Variants in MOB4 observed in about 807,000 individuals in gnomAD.
MOB4 encodes MOB-like protein phocein.
A neutral mutation model predicts 32.2 loss-of-function variants in MOB4; 4 were observed. The observed-to-expected ratio is 0.12, with a 90% CI of 0.06 to 0.28. The LOEUF is 0.28. Among genes scored for constraint, MOB4 ranks in the 10% least tolerant of loss-of-function variants. The pLI is 1.00. For synonymous variants in MOB4, 88 were observed against 88.1 expected (o/e 1.00, Z 0.01); for missense variants, 158 against 271.2 (o/e 0.58, Z 2.93).
chr2:197,547,873 C>G (rs1466563423), intron 5 of MOB4, among the ~76,000 whole-genome samples: 1 of 152,050 alleles, frequency 6.6e-6, no homozygotes, highest in Non-Finnish European at 1.5e-5. Context: ...ATAAATGGAA[C>G]AGAATAAGTC....
intron 5 of MOB4, among the ~76,000 whole-genome samples, chr2:197,542,327 T>G (rs2086909932): frequency 6.6e-6 from 1 of 152,186 alleles, no homozygotes; most frequent in South Asian, 2.1e-4. Context: ...AGGGTGATAG[T>G]AGGATTTCCA....
chr2:197,515,771 G>T (rs1357189942), upstream of MOB4: 5 of 441,906 alleles, frequency 1.1e-5, no homozygotes, highest in East Asian at 4.9e-5. Context: ...CAACGCAGCC[G>T]TGCACACTGC....
Position 197,550,323 on chromosome 2 carries a change from T to C in MOB4, c.483T>C (p.Arg161=). ...SSVAKLGSVC[R]RIYRIFSHAY... ...TAGCGAAACTAGGATCAGTATGCCGTAGGATTTACAGAATATTTTCACATG... is the reference window on the plus strand; with the variant it reads ...TAGCGAAACTAGGATCAGTATGCCGCAGGATTTACAGAATATTTTCACATG... The change falls in exon 7 of 8, where the codon CGT becomes CGC. Residue 161 remains arginine (R), a synonymous_variant. Coordinates refer to ENST00000323303, the MANE Select transcript of MOB4 (RefSeq NM_015387.5). 1 of 1,613,904 alleles carries C rather than the reference T, an allele frequency of 6.2e-7. No homozygotes were observed. Among genetic ancestry groups the C allele is most frequent in the Non-Finnish European group, 8.5e-7 (1 of 1,179,988 alleles).
chr2:197,550,161 G>A (rs964060194), intron 6 of MOB4, 114 bp from the exon 7 acceptor site: 1 of 915,294 alleles, frequency 1.1e-6, no homozygotes, highest in Non-Finnish European at 1.6e-6. Flanking sequence ...CCTTGGAGTA[G>A]TCGCTTATTT....
chr2:197,533,277 C>G (rs899665131), intron 2 of MOB4, among the ~76,000 whole-genome samples: 3 of 151,990 alleles, frequency 2.0e-5, no homozygotes, highest in Non-Finnish European at 4.4e-5. Flanking sequence ...GAGATTTGGA[C>G]AGAATTGTGA....
rs1312324397 is a variant in MOB4 at position 197,553,393 on chromosome 2, AAC to A, written c.*2748_*2749del. 3.9e-5 allele frequency: 6 copies of A among 152,036 alleles called. No individual in the cohort carries two copies. Among genetic ancestry groups the A allele is most frequent in the Non-Finnish European group, 5.9e-5 (4 of 68,000 alleles). The allele number at this position is 152,036 out of a possible 1,614,324, so 9.4% of individuals were successfully genotyped here. A position where few individuals can be genotyped will look rare whatever the true frequency, so the allele number is the denominator to read the frequency against. On this transcript the variant is annotated 3_prime_UTR_variant, in exon 8 of 8. Coordinates refer to ENST00000323303, the MANE Select transcript of MOB4 (RefSeq NM_015387.5). ...CGTGCCATTGCACTCCAGCCTGGGTAACGAGCAAAACTCCGTCTCAAAAACTC... is the reference window on the plus strand; with the variant it reads ...CGTGCCATTGCACTCCAGCCTGGGTAGAGCAAAACTCCGTCTCAAAAACTC...
intron 6 of MOB4, among the ~76,000 whole-genome samples, chr2:197,549,034 G>A (rs2087048671): frequency 6.6e-6 from 1 of 152,074 alleles, no homozygotes; most frequent in Non-Finnish European, 1.5e-5. Context: ...TTCGAGACCA[G>A]CCTGAACAAC....
chr2:197,543,319 A>G (rs184690288), intron 5 of MOB4, among the ~76,000 whole-genome samples: 3 of 152,280 alleles, frequency 2.0e-5, no homozygotes, highest in Non-Finnish European at 2.9e-5. Context: ...AATGGCCAGT[A>G]AGCACATGAA....
At chr2:197,548,245 G>A (rs974559430) in intron 5 of MOB4, 91 bp from the exon 6 acceptor site, 62 of 1,069,624 alleles carry the variant, frequency 5.8e-5, no homozygotes, top group Non-Finnish European at 7.5e-5. Context: ...ACATGCTCAT[G>A]TCTTTGGAAT....
At chr2:197,539,298 TCAGTGC>T (rs901855470) in intron 3 of MOB4, among the ~76,000 whole-genome samples, 1 of 150,936 alleles carries the variant, frequency 6.6e-6, no homozygotes, top group African/African-American at 2.4e-5. Flanking sequence ...ACTGATGGCC[TCAGTGC>T]AATTGTAATG....
intron 5 of MOB4, among the ~76,000 whole-genome samples, chr2:197,545,808 C>T (rs1023789664): frequency 7.2e-5 from 11 of 152,058 alleles, no homozygotes; most frequent in Non-Finnish European, 1.5e-4. Flanking sequence ...CTAATTGGTT[C>T]AAGGTTTCTT....
intron 2 of MOB4, among the ~76,000 whole-genome samples, chr2:197,527,834 A>G (rs2086634598): frequency 6.6e-6 from 1 of 152,290 alleles, no homozygotes; most frequent in East Asian, 1.9e-4. Flanking sequence ...GAGTGGTTTT[A>G]TCACGAAAAT....
intron 2 of MOB4, among the ~76,000 whole-genome samples, chr2:197,535,234 A>AG (rs1414303675): frequency 1.4e-5 from 2 of 139,528 alleles, no homozygotes; most frequent in Non-Finnish European, 3.3e-5. Flanking sequence ...AAAAAAAAAA[A>AG]AAAAAAAAGA....
At chr2:197,535,239 A>AAAAAG (rs1559319919) in intron 2 of MOB4, among the ~76,000 whole-genome samples, 1 of 148,284 alleles carries the variant, frequency 6.7e-6, no homozygotes. Context: ...AAAAAAAAAA[A>AAAAAG]AAAGAAATTA....
chr2:197,547,072 C>CTTCT (rs949693198), intron 5 of MOB4, among the ~76,000 whole-genome samples: 1 of 145,344 alleles, frequency 6.9e-6, no homozygotes, highest in Non-Finnish European at 1.5e-5. Context: ...ATAGTGAGAC[C>CTTCT]TTCTTTCTTT....
chr2:197,548,963 T>G (rs1485577471), intron 6 of MOB4, among the ~76,000 whole-genome samples: 1 of 152,134 alleles, frequency 6.6e-6, no homozygotes, highest in Non-Finnish European at 1.5e-5. Context: ...GCGCAGTGGC[T>G]CACGGATGTA....
Position 197,550,386 on chromosome 2 carries a change from A to G in MOB4, c.546A>G (p.Glu182=). The change falls in exon 7 of 8, where the codon GAA becomes GAG. Residue 182 remains glutamate, a splice_region_variant and synonymous_variant. Coordinates refer to ENST00000323303, the MANE Select transcript of MOB4 (RefSeq NM_015387.5). ...ATCGGCAGATATTTGATGAATATGA[A>G]GTAAGTATATTTCACTGATTATCTT... is the stretch of plus-strand genomic sequence containing the variant. ...FHHRQIFDEY[E]NETFLCHRFT... The G allele has an allele frequency of 6.2e-7, 1 of 1,612,992 alleles. No homozygotes were observed. Among genetic ancestry groups the G allele is most frequent in the Non-Finnish European group, 8.5e-7 (1 of 1,179,384 alleles).
At chr2:197,544,207 G>A (rs1380542332) in intron 5 of MOB4, among the ~76,000 whole-genome samples, 2 of 152,140 alleles carry the variant, frequency 1.3e-5, no homozygotes, top group Non-Finnish European at 2.9e-5. Context: ...GAGTAGCTGG[G>A]ACAACAGGCG....
intron 5 of MOB4, among the ~76,000 whole-genome samples, chr2:197,545,471 C>G (rs2086977662): frequency 6.6e-6 from 1 of 151,886 alleles, no homozygotes; most frequent in Non-Finnish European, 1.5e-5. Context: ...TCTGCAGATG[C>G]AAAGTGCTGA....
Sources: gnomAD v4.1 joint callset for allele counts (sites outside exome capture counted in the v4.1 genomes callset) on GRCh38, gnomAD v4.1.1 for gene constraint, MANE v1.5 for transcripts, NCBI Gene and HGNC (gene_info 2026-07-23, HGNC 2026-07-21) for gene names.